Variants in RNF145 observed in about 807,000 individuals in gnomAD.
RNF145 encodes ring finger protein 145.
Under a neutral mutation model 57.3 loss-of-function variants are expected in RNF145, and 12 were observed. The observed-to-expected ratio is 0.21, with a 90% CI of 0.13 to 0.34. RNF145 has a LOEUF of 0.34. RNF145 is among the 10% of genes least tolerant of loss of function. The pLI is 1.00. For synonymous variants in RNF145, 262 were observed against 288.3 expected (o/e 0.91, Z 0.92); for missense variants, 429 against 799.0 (o/e 0.54, Z 5.58).
At chr5:159,177,218 A>C (rs138619009) in intron 4 of RNF145, among the ~76,000 whole-genome samples, 72 of 152,240 alleles carry the variant, frequency 4.7e-4, no homozygotes, top group African/African-American at 1.6e-3. Context: ...TCTTTTCCAA[A>C]GGTACGCAAT....
intron 2 of RNF145, among the ~76,000 whole-genome samples, chr5:159,197,724 C>T (rs1315003755): frequency 6.6e-6 from 1 of 152,166 alleles, no homozygotes; most frequent in African/African-American, 2.4e-5. Context: ...ACTAAGTTGA[C>T]AATGGCAAAG....
intron 10 of RNF145, 199 bp downstream of exon 10, chr5:159,161,067 A>G: frequency 1.9e-6 from 1 of 524,378 alleles, no homozygotes; most frequent in Non-Finnish European, 3.4e-6. Context: ...TTAGAACCCA[A>G]GGGACTAAAT....
chr5:159,159,083 A>T, intron 10 of RNF145, 48 bp from the exon 11 acceptor site: 1 of 1,540,944 alleles, frequency 6.5e-7, no homozygotes, highest in Non-Finnish European at 8.8e-7. Context: ...GTTTTCTAGT[A>T]TCTTTGGTGC....
chr5:159,170,830 A>G (rs750665861), intron 6 of RNF145, among the ~76,000 whole-genome samples: 3 of 152,300 alleles, frequency 2.0e-5, no homozygotes, highest in Middle Eastern at 3.4e-3. Flanking sequence ...GCCTCAAGCG[A>G]TCCTCCCACC....
chr5:159,166,810 C>T (rs940330129), intron 8 of RNF145, among the ~76,000 whole-genome samples: 1 of 152,078 alleles, frequency 6.6e-6, no homozygotes, highest in Non-Finnish European at 1.5e-5. Context: ...GGGTATTCCT[C>T]TTATAGTTTG....
At chr5:159,169,112 A>C in intron 7 of RNF145, 57 bp from the exon 8 acceptor site, 1 of 1,334,204 alleles carries the variant, frequency 7.5e-7, no homozygotes, top group Non-Finnish European at 1.0e-6. Flanking sequence ...CATTTAATTC[A>C]AAGAGAAAAA....
At position 159,158,392 on chromosome 5, in the gene RNF145, T is replaced by C. The variant is rs1784108632; in HGVS notation, c.*278A>G. 3 of 383,318 alleles carry C rather than the reference T, an allele frequency of 7.8e-6. No individual in the cohort carries two copies. The South Asian group carries it at 1.2e-4, about 15-fold the overall frequency. The allele number at this position is 383,318 out of a possible 1,614,324, so 23.7% of individuals were successfully genotyped here. A position where few individuals can be genotyped will look rare whatever the true frequency, so the allele number is the denominator to read the frequency against. Reference sequence around the variant, plus strand: ...TCTCACACGTATCAGGGGCAGTTTCTGAAGTTGCTGAGGTTGAATTTTCTT... The same window carrying C: ...TCTCACACGTATCAGGGGCAGTTTCCGAAGTTGCTGAGGTTGAATTTTCTT... On this transcript the variant is annotated 3_prime_UTR_variant, in exon 11 of 11. Transcript: ENST00000424310.
rs1784084075 is a variant in RNF145, at chr5:159,157,622, T to C, written c.*1048A>G. 6.5e-6 allele frequency: 1 copy of C among 152,750 alleles called. No individual in the cohort carries two copies. Among genetic ancestry groups the C allele is most frequent in the African/African-American group, 2.4e-5 (1 of 41,464 alleles). 9.5% of individuals were successfully genotyped at this position (152,750 alleles called of 1,614,324 possible). On this transcript the variant is annotated 3_prime_UTR_variant, in exon 11 of 11. Transcript: ENST00000424310. ...AATTACATTCCCCCCTCCCCAGTTC[T>C]ACCTGTAGCCATGATGAATGTAAAA...
intron 3 of RNF145, among the ~76,000 whole-genome samples, chr5:159,190,375 A>G (rs761147622): frequency 3.3e-5 from 5 of 152,022 alleles, no homozygotes; most frequent in Non-Finnish European, 7.4e-5. Context: ...CTATCTCGAT[A>G]AAGTTGTTAT....
intron 8 of RNF145, 83 bp downstream of exon 8, chr5:159,168,790 A>C: frequency 1.1e-6 from 1 of 895,824 alleles, no homozygotes; most frequent in Non-Finnish European, 1.6e-6. Context: ...TCTGTCTCTA[A>C]ATATTCCCTA....
At chr5:159,196,026 T>C (rs1158499057) in intron 2 of RNF145, among the ~76,000 whole-genome samples, 1 of 152,130 alleles carries the variant, frequency 6.6e-6, no homozygotes, top group Non-Finnish European at 1.5e-5. Flanking sequence ...CTCTCATGTG[T>C]TACCCTTCCA....
intron 4 of RNF145, among the ~76,000 whole-genome samples, 155 bp from the exon 5 acceptor site, chr5:159,177,022 A>G (rs1784741573): frequency 1.3e-5 from 2 of 152,166 alleles, no homozygotes; most frequent in Admixed American, 6.6e-5. Flanking sequence ...CTTAAACTTC[A>G]TCTGACTATA....
At chr5:159,208,964 C>T (rs1786004423) in intron 1 of RNF145, among the ~76,000 whole-genome samples, 1 of 150,080 alleles carries the variant, frequency 6.7e-6, no homozygotes, top group African/African-American at 2.5e-5. Context: ...GGGCTTTGCG[C>T]GGGGCCCAGG....
chr5:159,198,409 G>A (rs1005419452), intron 2 of RNF145, among the ~76,000 whole-genome samples: 3 of 152,192 alleles, frequency 2.0e-5, no homozygotes, highest in Non-Finnish European at 4.4e-5. Context: ...GGTAGTTGTA[G>A]GGTAAACAGC....
At chr5:159,199,236 C>G (rs1042247888) in intron 2 of RNF145, among the ~76,000 whole-genome samples, 56 of 152,076 alleles carry the variant, frequency 3.7e-4, no homozygotes, top group African/African-American at 1.3e-3. Flanking sequence ...AAAGTGGAGA[C>G]AGAGATCTGC....
In RNF145 at chr5:159,209,536, C is replaced by T. The variant is rs1198159642; in HGVS notation, c.-345G>A. The T allele has an allele frequency of 7.1e-6, 7 of 980,632 alleles. No homozygotes were observed. Among genetic ancestry groups the T allele is most frequent in the South Asian group, 4.5e-5 (1 of 21,992 alleles). 60.7% of individuals were successfully genotyped at this position (980,632 alleles called of 1,614,324 possible). On this transcript the variant is annotated 5_prime_UTR_variant, in exon 1 of 11. Transcript: ENST00000424310. ...CCATGGCCTCCTGCGTTTGCTCCTC[C>T]CGCCCCCGGCGCTCTGCGGCGGCCG... is the stretch of plus-strand genomic sequence containing the variant.
At chr5:159,204,386 TGG>T (rs77638467) in intron 1 of RNF145, among the ~76,000 whole-genome samples, 7 of 141,702 alleles carry the variant, frequency 4.9e-5, no homozygotes, top group East Asian at 2.2e-4. Flanking sequence ...TGATAAGTAG[TGG>T]GGGGGGGCAG....
intron 9 of RNF145, among the ~76,000 whole-genome samples, chr5:159,162,259 AAAT>A (rs1359478266): frequency 6.6e-6 from 1 of 152,178 alleles, no homozygotes; most frequent in Non-Finnish European, 1.5e-5. Context: ...AACACACTCC[AAAT>A]AAGCTCTAAC....
chr5:159,193,347 C>G (rs374382971), intron 3 of RNF145, among the ~76,000 whole-genome samples: 195 of 152,228 alleles, frequency 1.3e-3, no homozygotes, highest in African/African-American at 4.4e-3. Flanking sequence ...GAGTAAGACA[C>G]CATCCTCCAG....
Sources: gnomAD v4.1 joint callset for allele counts (sites outside exome capture counted in the v4.1 genomes callset) on GRCh38, gnomAD v4.1.1 for gene constraint, MANE v1.5 for transcripts, NCBI Gene and HGNC (gene_info 2026-07-23, HGNC 2026-07-21) for gene names.